NRXN3: variants seen among roughly 807,000 people sequenced by gnomAD.
The protein encoded by NRXN3 is neurexin III.
A neutral mutation model predicts 137.6 loss-of-function variants in NRXN3; 32 were observed. That is an observed-to-expected ratio of 0.23 (90% CI 0.18 to 0.31). The LOEUF is 0.31. Among genes scored for constraint, NRXN3 ranks in the 10% least tolerant of loss-of-function variants. The probability of loss-of-function intolerance (pLI) is 1.00; values close to 1 mark genes in which losing one functional copy is unlikely to be tolerated. For missense variants in NRXN3, 1,574 were observed against 2,062.5 expected (o/e 0.76, Z 4.59); for synonymous variants, 798 against 784.5 (o/e 1.02, Z -0.29).
chr14:78,945,954 TG>T (rs2099364286), intron 10 of NRXN3, among the ~76,000 whole-genome samples: 1 of 152,208 alleles, frequency 6.6e-6, no homozygotes, highest in Non-Finnish European at 1.5e-5. Flanking sequence ...CACATTTTCT[TG>T]GCTGTGAAGC....
intron 4 of NRXN3, among the ~76,000 whole-genome samples, chr14:78,541,074 G>A (rs768769414): frequency 2.0e-5 from 3 of 149,638 alleles, no homozygotes; most frequent in Non-Finnish European, 4.5e-5. Context: ...TTCAACCTTG[G>A]TGAATCTGAC....
At chr14:78,416,463 A>G (rs2093141950) in intron 4 of NRXN3, among the ~76,000 whole-genome samples, 1 of 152,154 alleles carries the variant, frequency 6.6e-6, no homozygotes, top group African/African-American at 2.4e-5. Flanking sequence ...GAGGGTGGCG[A>G]CACTGATTTT....
intron 1 of NRXN3, among the ~76,000 whole-genome samples, chr14:78,194,857 C>A (rs1057204177): frequency 6.6e-6 from 1 of 152,186 alleles, no homozygotes; most frequent in African/African-American, 2.4e-5. Context: ...CCCCGGCTGG[C>A]GCTGACCCCC....
At chr14:79,026,950 TTATA>T (rs764640398) in intron 15 of NRXN3, among the ~76,000 whole-genome samples, 17 of 135,066 alleles carry the variant, frequency 1.3e-4, no homozygotes, top group African/African-American at 4.6e-4. Context: ...TATTATAATT[TTATA>T]TATATATATA....
chr14:79,379,798 C>T (rs2094412215), intron 15 of NRXN3, among the ~76,000 whole-genome samples: 1 of 152,126 alleles, frequency 6.6e-6, no homozygotes, highest in African/African-American at 2.4e-5. Context: ...CTTCTCCTTT[C>T]CATAAAACAT....
At chr14:79,241,780 A>G (rs2074344074) in intron 15 of NRXN3, among the ~76,000 whole-genome samples, 1 of 152,156 alleles carries the variant, frequency 6.6e-6, no homozygotes, top group African/African-American at 2.4e-5. Context: ...TGAAAATTAA[A>G]TGCTGGCCAG....
rs1191283198 is a variant in NRXN3, at chr14:78,242,447, C to A, written c.-647C>A. 1 of 152,392 alleles carries A rather than the reference C, an allele frequency of 6.6e-6. No homozygotes were observed. Among genetic ancestry groups the A allele is most frequent in the Non-Finnish European group, 1.5e-5 (1 of 68,172 alleles). The allele number at this position is 152,392 out of a possible 1,614,324, so 9.4% of individuals were successfully genotyped here. A position where few individuals can be genotyped will look rare whatever the true frequency, so the allele number is the denominator to read the frequency against. On this transcript the variant is annotated 5_prime_UTR_variant, in exon 2 of 21. Coordinates refer to ENST00000335750, the MANE Select transcript of NRXN3 (RefSeq NM_001330195.2). The stretch of plus-strand genomic sequence containing the variant: ...ATGGGCAGCACTGCTTCTGGCCGCA[C>A]CATGAAGCCTGAGTCTGCTTGCGCT...
chr14:78,561,077 T>G (rs1003760240), intron 4 of NRXN3, among the ~76,000 whole-genome samples: 3 of 152,196 alleles, frequency 2.0e-5, no homozygotes, highest in African/African-American at 7.2e-5. Flanking sequence ...TGTTTAACAC[T>G]GGGTAACAGT....
At chr14:79,370,871 C>T (rs1253339498) in intron 15 of NRXN3, among the ~76,000 whole-genome samples, 1 of 152,068 alleles carries the variant, frequency 6.6e-6, no homozygotes, top group East Asian at 1.9e-4. Context: ...ATGTGCTAAG[C>T]CTTATGCCAG....
At chr14:79,573,066 A>G (rs2097625113) in intron 16 of NRXN3, 1 of 152,192 alleles carries the variant, frequency 6.6e-6, no homozygotes, top group Non-Finnish European at 1.5e-5. Context: ...GATGTTTTTC[A>G]GATATCTTCT....
intron 8 of NRXN3, among the ~76,000 whole-genome samples, chr14:78,750,931 A>G (rs2098638412): frequency 6.6e-6 from 1 of 152,158 alleles, no homozygotes. Context: ...GAATTCTACC[A>G]TGACAATTTC....
intron 4 of NRXN3, among the ~76,000 whole-genome samples, chr14:78,508,385 G>A (rs1227484468): frequency 6.6e-6 from 1 of 152,180 alleles, no homozygotes; most frequent in Non-Finnish European, 1.5e-5. Flanking sequence ...TGAAGGCAGA[G>A]GTTAATGGTT....
chr14:78,622,887 A>G (rs1485966100), intron 4 of NRXN3, among the ~76,000 whole-genome samples: 1 of 152,230 alleles, frequency 6.6e-6, no homozygotes, highest in African/African-American at 2.4e-5. Flanking sequence ...GAAGTAACTG[A>G]TATGACTTAT....
chr14:79,752,449 G>C (rs2154091012), intron 19 of NRXN3, among the ~76,000 whole-genome samples: 1 of 152,190 alleles, frequency 6.6e-6, no homozygotes, highest in East Asian at 1.9e-4. Context: ...ACAAACCTGA[G>C]AAAGACAAGC....
intron 8 of NRXN3, among the ~76,000 whole-genome samples, chr14:78,726,641 C>T (rs945590970): frequency 6.6e-6 from 1 of 151,354 alleles, no homozygotes; most frequent in Non-Finnish European, 1.5e-5. Context: ...ACCTCAGCCT[C>T]TTAAGTAGCT....
intron 15 of NRXN3, among the ~76,000 whole-genome samples, chr14:79,057,743 C>A (rs951374895): frequency 6.6e-6 from 1 of 152,112 alleles, no homozygotes; most frequent in African/African-American, 2.4e-5. Flanking sequence ...TGGCAAGAAT[C>A]CAGTTTGCAC....
At chr14:78,324,975 A>T (rs2079873952) in intron 4 of NRXN3, among the ~76,000 whole-genome samples, 1 of 151,810 alleles carries the variant, frequency 6.6e-6, no homozygotes, top group South Asian at 2.1e-4. Flanking sequence ...CTAAATTGGG[A>T]GGTGTCATGG....
In NRXN3 at chr14:78,537,185, G is replaced by A. The variant is rs142623424; in HGVS notation, c.758-107935G>A. Among the ~76,000 whole-genome samples the A allele has an allele frequency of 3.6e-3, 548 of 152,296 alleles. 3 individuals carry two copies. Among genetic ancestry groups the A allele is most frequent in the Non-Finnish European group, 6.8e-3 (463 of 68,012 alleles). On this transcript the variant is annotated intron_variant, in intron 4 of 20. Transcript: ENST00000335750. ...TAGATCCTTGAGGAATTGCCACACTGTCTTCCACAATGGTTGAACTAATTT... is the reference window on the plus strand; with the variant it reads ...TAGATCCTTGAGGAATTGCCACACTATCTTCCACAATGGTTGAACTAATTT...
chr14:78,452,870 T>C (rs2094583996), intron 4 of NRXN3, among the ~76,000 whole-genome samples: 1 of 152,212 alleles, frequency 6.6e-6, no homozygotes, highest in South Asian at 2.1e-4. Flanking sequence ...ACTTGTATGA[T>C]AAGCATAGGT....
Sources: gnomAD v4.1 joint callset for allele counts (sites outside exome capture counted in the v4.1 genomes callset) on GRCh38, gnomAD v4.1.1 for gene constraint, MANE v1.5 for transcripts, NCBI Gene and HGNC (gene_info 2026-07-23, HGNC 2026-07-21) for gene names.